CDKAL1: variants seen among roughly 807,000 people sequenced by gnomAD.
The protein encoded by CDKAL1 is CDKAL1 threonylcarbamoyladenosine tRNA methylthiotransferase.
In CDKAL1, 32 loss-of-function variants were observed where a neutral mutation model predicts 68.2. The observed-to-expected ratio is 0.47, with a 90% CI of 0.35 to 0.63. The LOEUF (loss-of-function observed/expected upper bound fraction) is 0.63. Among genes scored for constraint, CDKAL1 ranks in the 30% least tolerant of loss-of-function variants. The probability of loss-of-function intolerance (pLI) is 0.00; values close to 1 mark genes in which losing one functional copy is unlikely to be tolerated. For synonymous variants in CDKAL1, 234 were observed against 244.3 expected (o/e 0.96, Z 0.39); for missense variants, 606 against 696.7 (o/e 0.87, Z 1.47).
chr6:20,661,011 G>A (rs1366627454), intron 5 of CDKAL1, among the ~76,000 whole-genome samples: 2 of 152,118 alleles, frequency 1.3e-5, no homozygotes, highest in Non-Finnish European at 2.9e-5. Flanking sequence ...AAGTAGTAAT[G>A]TTGGAAAGGT....
chr6:21,057,029 G>A (rs1375514593), intron 11 of CDKAL1, among the ~76,000 whole-genome samples: 1 of 152,118 alleles, frequency 6.6e-6, no homozygotes, highest in African/African-American at 2.4e-5. Flanking sequence ...GGATGATGCT[G>A]GCCTCATAAA....
chr6:20,626,383 A>G (rs1358938653), intron 4 of CDKAL1, among the ~76,000 whole-genome samples: 3 of 152,114 alleles, frequency 2.0e-5, no homozygotes, highest in Non-Finnish European at 4.4e-5. Context: ...TCAAAAATAC[A>G]TGTTGAATGA....
At chr6:20,758,185 A>T (rs1451768677) in intron 6 of CDKAL1, among the ~76,000 whole-genome samples, 2 of 152,182 alleles carry the variant, frequency 1.3e-5, no homozygotes, top group African/African-American at 4.8e-5. Flanking sequence ...TAGAATTTGG[A>T]ACAGATCTCC....
rs116295014 is a variant in CDKAL1 at position 20,609,457 on chromosome 6, A to G, written c.287-39836A>G. ...GTCACCCAGGCTAGAATGCAGTGGCACAGTCTCGACTCACTGCAGCCTCCG... is the reference window on the plus strand; with the variant it reads ...GTCACCCAGGCTAGAATGCAGTGGCGCAGTCTCGACTCACTGCAGCCTCCG... On this transcript the variant is annotated intron_variant, in intron 4 of 15. Transcript: ENST00000274695. Among the ~76,000 whole-genome samples, 1,313 of 145,470 alleles carry G rather than the reference A, an allele frequency of 9.0e-3. 26 individuals carry two copies. Among genetic ancestry groups the G allele is most frequent in the African/African-American group, 0.032 (1,230 of 39,020 alleles).
chr6:20,877,738 T>C (rs1190385029), intron 9 of CDKAL1, among the ~76,000 whole-genome samples: 4 of 152,224 alleles, frequency 2.6e-5, no homozygotes, highest in African/African-American at 9.6e-5. Context: ...CTCTGAATTA[T>C]GTCCTCCTTC....
chr6:20,907,514 A>G (rs2150613944), intron 9 of CDKAL1, among the ~76,000 whole-genome samples: 1 of 152,356 alleles, frequency 6.6e-6, no homozygotes, highest in African/African-American at 2.4e-5. Context: ...AAAAAATAGT[A>G]ATAAAAACTT....
intron 8 of CDKAL1, among the ~76,000 whole-genome samples, chr6:20,803,139 T>G (rs1170672029): frequency 6.6e-6 from 1 of 152,210 alleles, no homozygotes; most frequent in African/African-American, 2.4e-5. Context: ...TGCTTATATG[T>G]GGGTATACAT....
Position 20,630,406 on chromosome 6 carries a change from C to G in CDKAL1, c.287-18887C>G, listed in dbSNP as rs1478553709. Among the ~76,000 whole-genome samples the G allele has an allele frequency of 2.6e-5, 4 of 152,194 alleles. No individual in the cohort carries two copies. The East Asian group carries it at 7.7e-4, about 29-fold the overall frequency. ...TGCTTTTATCAGTCCCACCTATTGT[C>G]TTTATGCTGAATTTGTCTAGAAGGG... On this transcript the variant is annotated intron_variant, in intron 4 of 15. Coordinates refer to ENST00000274695, the MANE Select transcript of CDKAL1 (RefSeq NM_017774.3).
At chr6:20,565,877 G>C (rs1254809144) in intron 4 of CDKAL1, among the ~76,000 whole-genome samples, 1 of 152,104 alleles carries the variant, frequency 6.6e-6, no homozygotes, top group Non-Finnish European at 1.5e-5. Flanking sequence ...TCTTTTAGTA[G>C]ATGTGTAATT....
In CDKAL1 at chr6:20,562,020, G is replaced by A. The variant is rs765464307; in HGVS notation, c.286+13315G>A. On this transcript the variant is annotated intron_variant, in intron 4 of 15. Coordinates refer to ENST00000274695, the MANE Select transcript of CDKAL1 (RefSeq NM_017774.3). ...AATTTAATCCATTCTTATTCAATTG[G>A]AAGCAGTAATTGCTTTCAATTTAAT... is the stretch of plus-strand genomic sequence containing the variant. 5.9e-5 allele frequency among the ~76,000 whole-genome samples: 9 copies of A among 152,238 alleles called. No homozygotes were observed. In the South Asian group the frequency reaches 1.0e-3, roughly 18 times the overall value.
intron 4 of CDKAL1, among the ~76,000 whole-genome samples, chr6:20,646,622 G>A (rs899306686): frequency 2.6e-5 from 4 of 152,090 alleles, no homozygotes; most frequent in African/African-American, 9.7e-5. Context: ...CATACTTCTT[G>A]AGGGGTCCTA....
At chr6:21,073,290 G>T (rs970839037) in intron 12 of CDKAL1, among the ~76,000 whole-genome samples, 3 of 152,248 alleles carry the variant, frequency 2.0e-5, no homozygotes, top group African/African-American at 4.8e-5. Flanking sequence ...AAACATCCAC[G>T]TGCAGGTTTT....
At chr6:20,981,701 C>G (rs565650041) in intron 10 of CDKAL1, among the ~76,000 whole-genome samples, 1 of 152,132 alleles carries the variant, frequency 6.6e-6, no homozygotes, top group Non-Finnish European at 1.5e-5. Flanking sequence ...ATTAGCTGGG[C>G]GTGGTGGCAG....
At chr6:20,565,396 C>A (rs1454942137) in intron 4 of CDKAL1, among the ~76,000 whole-genome samples, 1 of 151,998 alleles carries the variant, frequency 6.6e-6, no homozygotes, top group East Asian at 1.9e-4. Context: ...GGGTACCATG[C>A]CTTGGAAAGA....
rs377634504 is a variant in CDKAL1, at chr6:20,990,734, G to A, written c.910-9493G>A. 1.7e-3 allele frequency among the ~76,000 whole-genome samples: 255 copies of A among 152,318 alleles called. 7 individuals carry two copies. The South Asian group carries it at 0.05, about 30-fold the overall frequency. On this transcript the variant is annotated intron_variant, in intron 10 of 15. Coordinates refer to ENST00000274695, the MANE Select transcript of CDKAL1 (RefSeq NM_017774.3). ...TAATTTACTTAGTAGCTGTTACAGT[G>A]CCATTAATGAAGTAATGGATGAAAT...
chr6:21,182,398 A>G (rs1777827779), intron 13 of CDKAL1, among the ~76,000 whole-genome samples: 1 of 152,206 alleles, frequency 6.6e-6, no homozygotes, highest in Admixed American at 6.5e-5. Context: ...GGTGCTAGGG[A>G]TAAAGTTACA....
intron 5 of CDKAL1, among the ~76,000 whole-genome samples, chr6:20,699,432 G>A (rs1771247268): frequency 6.6e-6 from 1 of 151,114 alleles, no homozygotes; most frequent in Non-Finnish European, 1.5e-5. Flanking sequence ...AGGCAGACAG[G>A]TTTCTAGGTT....
rs149166323 is a variant in CDKAL1, at chr6:20,943,477, T to C, written c.743-11942T>C. ...GTTTTTGCCAAATTTGGGGTAAATTTAGCCATATTTTAGGGACTCTACTCA... is the reference window on the plus strand; with the variant it reads ...GTTTTTGCCAAATTTGGGGTAAATTCAGCCATATTTTAGGGACTCTACTCA... On this transcript the variant is annotated intron_variant, in intron 9 of 15. Transcript: ENST00000274695. 2.7e-3 allele frequency among the ~76,000 whole-genome samples: 407 copies of C among 152,226 alleles called. 4 individuals are homozygous for C. Among genetic ancestry groups the C allele is most frequent in the African/African-American group, 8.9e-3 (368 of 41,538 alleles).
chr6:21,157,973 A>G (rs1776726246), intron 13 of CDKAL1, among the ~76,000 whole-genome samples: 1 of 152,226 alleles, frequency 6.6e-6, no homozygotes, highest in Non-Finnish European at 1.5e-5. Context: ...AGTGAGCTTA[A>G]TATTGGTAGA....
Sources: gnomAD v4.1 joint callset for allele counts (sites outside exome capture counted in the v4.1 genomes callset) on GRCh38, gnomAD v4.1.1 for gene constraint, MANE v1.5 for transcripts, NCBI Gene and HGNC (gene_info 2026-07-23, HGNC 2026-07-21) for gene names.